Variants in GK5 observed in about 807,000 individuals in gnomAD.
The protein encoded by GK5 is ATP:glycerol 3-phosphotransferase 5.
Under a neutral mutation model 77.3 loss-of-function variants are expected in GK5, and 39 were observed. The ratio of observed to expected loss-of-function variants is 0.50; its 90% CI spans 0.39 to 0.66. GK5 has a LOEUF of 0.66. Among genes scored for constraint, GK5 ranks in the 30% least tolerant of loss-of-function variants. The probability of loss-of-function intolerance (pLI) is 0.00; values close to 1 mark genes in which losing one functional copy is unlikely to be tolerated. For missense variants in GK5, 487 were observed against 633.8 expected (o/e 0.77, Z 2.49); for synonymous variants, 211 against 208.0 (o/e 1.01, Z -0.13).
In GK5 at chr3:142,160,516, G is replaced by A. The variant is rs2063417831; in HGVS notation, c.*5106C>T. 6.6e-6 allele frequency: 1 copy of A among 152,036 alleles called. No individual in the cohort carries two copies. Among genetic ancestry groups the A allele is most frequent in the Admixed American group, 6.6e-5 (1 of 15,264 alleles). 9.4% of individuals were successfully genotyped at this position (152,036 alleles called of 1,614,324 possible). On this transcript the variant is annotated 3_prime_UTR_variant, in exon 16 of 16. Coordinates refer to ENST00000392993, the MANE Select transcript of GK5 (RefSeq NM_001039547.3). ...ATTAAAGACTGGTCCCTTACAGGAGGGGCTATTTATGAAGTTCCTTCCCTA... is the reference window on the plus strand; with the variant it reads ...ATTAAAGACTGGTCCCTTACAGGAGAGGCTATTTATGAAGTTCCTTCCCTA...
At chr3:142,207,187 G>A (rs1226935933) in intron 3 of GK5, among the ~76,000 whole-genome samples, 1 of 152,196 alleles carries the variant, frequency 6.6e-6, no homozygotes, top group Non-Finnish European at 1.5e-5. Flanking sequence ...CTCTGGGAAT[G>A]GAATGTGACC....
chr3:142,180,959 C>G (rs938466514), intron 11 of GK5, among the ~76,000 whole-genome samples: 1 of 152,178 alleles, frequency 6.6e-6, no homozygotes, highest in African/African-American at 2.4e-5. Flanking sequence ...CCCAGACTGA[C>G]CACTGGGTGG....
intron 4 of GK5, among the ~76,000 whole-genome samples, chr3:142,202,864 G>A (rs2064048227): frequency 6.6e-6 from 1 of 152,214 alleles, no homozygotes; most frequent in Admixed American, 6.5e-5. Context: ...GGCTGAGGAA[G>A]GAGAATTGCT....
At chr3:142,184,392 A>T (rs2063740165) in intron 9 of GK5, among the ~76,000 whole-genome samples, 1 of 151,614 alleles carries the variant, frequency 6.6e-6, no homozygotes, top group African/African-American at 2.4e-5. Flanking sequence ...TCACAAATTT[A>T]TTTATTTTAT....
intron 4 of GK5, among the ~76,000 whole-genome samples, chr3:142,201,450 G>C (rs2064020081): frequency 6.6e-6 from 1 of 152,120 alleles, no homozygotes; most frequent in Admixed American, 6.6e-5. Context: ...TTAAATGGAG[G>C]ACAGATTAGT....
chr3:142,186,406 T>G (rs1382060969), intron 7 of GK5, 46 bp downstream of exon 7: 7 of 1,153,136 alleles, frequency 6.1e-6, no homozygotes, highest in Non-Finnish European at 7.4e-6. Context: ...TCTATCTATA[T>G]TACACAAAAA....
At chr3:142,206,395 C>T (rs1478122821) in intron 3 of GK5, among the ~76,000 whole-genome samples, 1 of 152,180 alleles carries the variant, frequency 6.6e-6, no homozygotes, top group African/African-American at 2.4e-5. Context: ...TATGAGGGTT[C>T]CAATTTTTCC....
intron 9 of GK5, chr3:142,185,580 A>G: frequency 9.1e-7 from 1 of 1,093,710 alleles, no homozygotes; most frequent in East Asian, 7.1e-5. Flanking sequence ...GAACATAAAT[A>G]TTCGCCCCAT....
At chr3:142,224,350 G>T (rs907763098) in intron 1 of GK5, among the ~76,000 whole-genome samples, 1 of 152,182 alleles carries the variant, frequency 6.6e-6, no homozygotes, top group Non-Finnish European at 1.5e-5. Context: ...GGTCAAAGCT[G>T]CAGTGAGCCG....
intron 9 of GK5, chr3:142,184,957 A>G (rs886659076): frequency 1.0e-6 from 1 of 985,262 alleles, no homozygotes; most frequent in Admixed American, 6.1e-5. Context: ...AATAAGACCG[A>G]TCCTCTCTAA....
chr3:142,168,959 C>T (rs1196787776), intron 15 of GK5, among the ~76,000 whole-genome samples: 1 of 152,138 alleles, frequency 6.6e-6, no homozygotes, highest in African/African-American at 2.4e-5. Context: ...TCTCTGCTAG[C>T]CCCTTCAAAA....
intron 15 of GK5, among the ~76,000 whole-genome samples, 197 bp from the exon 16 acceptor site, chr3:142,165,967 T>C (rs1277629082): frequency 6.6e-6 from 1 of 152,282 alleles, no homozygotes; most frequent in Non-Finnish European, 1.5e-5. Flanking sequence ...TCAAGTCTTT[T>C]GGTTTCTAAC....
intron 9 of GK5, chr3:142,184,842 C>G: frequency 1.0e-6 from 1 of 984,984 alleles, no homozygotes; most frequent in Non-Finnish European, 1.2e-6. Context: ...AACTCCATCT[C>G]AAAAACAACA....
rs2064096719 is a variant in GK5 at position 142,205,758 on chromosome 3, CATAAT to C, written c.318-975_318-971del. On this transcript the variant is annotated intron_variant, in intron 3 of 15. Coordinates refer to ENST00000392993, the MANE Select transcript of GK5 (RefSeq NM_001039547.3). ...TAAAAAAAAATTGTGGCAAAATATA[CATAAT>C]ATGAGGTTTACCATTTTACCTATTT... is the stretch of plus-strand genomic sequence containing the variant. 3.3e-5 allele frequency among the ~76,000 whole-genome samples: 5 copies of C among 152,192 alleles called. No individual in the cohort carries two copies. In the South Asian group the frequency reaches 1.0e-3, roughly 32 times the overall value.
chr3:142,212,897 A>G (rs1418380656), intron 3 of GK5, among the ~76,000 whole-genome samples: 2 of 135,774 alleles, frequency 1.5e-5, no homozygotes, highest in Non-Finnish European at 3.0e-5. Context: ...GCAGTGGCGC[A>G]ATCTCGGCTC....
intron 4 of GK5, among the ~76,000 whole-genome samples, chr3:142,199,276 T>G (rs1048725933): frequency 6.6e-6 from 1 of 152,124 alleles, no homozygotes; most frequent in African/African-American, 2.4e-5. Context: ...GAGGCTATAT[T>G]TGTAGTATTC....
chr3:142,192,960 T>C (rs944367821), intron 5 of GK5, among the ~76,000 whole-genome samples: 4 of 151,960 alleles, frequency 2.6e-5, no homozygotes, highest in African/African-American at 9.7e-5. Context: ...TTCTGGAAAA[T>C]ACAAAGCTAG....
At chr3:142,215,857 T>C (rs936951706) in intron 1 of GK5, among the ~76,000 whole-genome samples, 165 bp from the exon 2 acceptor site, 1 of 152,180 alleles carries the variant, frequency 6.6e-6, no homozygotes, top group African/African-American at 2.4e-5. Flanking sequence ...AAAAAAGGAC[T>C]ATATGCCAAC....
chr3:142,188,059 T>C (rs189723858), intron 5 of GK5, among the ~76,000 whole-genome samples: 34 of 149,200 alleles, frequency 2.3e-4, no homozygotes, highest in Non-Finnish European at 3.0e-4. Context: ...TTTTTTGTTG[T>C]TTTTTTTTTA....
Sources: allele counts gnomAD v4.1 joint callset (sites outside exome capture counted in the v4.1 genomes callset), GRCh38; gene constraint gnomAD v4.1.1; transcripts MANE v1.5; gene names NCBI Gene and HGNC (gene_info 2026-07-23, HGNC 2026-07-21).